Variants in ANAPC10 observed in about 807,000 individuals in gnomAD.
ANAPC10 encodes anaphase promoting complex subunit 10.
A neutral mutation model predicts 22.0 loss-of-function variants in ANAPC10; 12 were observed. That is an observed-to-expected ratio of 0.55 (90% CI 0.35 to 0.88). The LOEUF (loss-of-function observed/expected upper bound fraction) is 0.88, where lower values mean the gene tolerates loss of function less well. Ranked by LOEUF, ANAPC10 falls within the 40% of genes least tolerant of loss-of-function variation. The pLI is 0.01. For missense variants in ANAPC10, 188 were observed against 220.9 expected, an observed-to-expected ratio of 0.85 and a Z score of 0.94; for synonymous variants, 65 against 69.5, an observed-to-expected ratio of 0.94 and a Z score of 0.32.
At chr4:145,084,819 A>G (rs1196669181) in intron 2 of ANAPC10, among the ~76,000 whole-genome samples, 2 of 152,232 alleles carry the variant, frequency 1.3e-5, no homozygotes, top group Non-Finnish European at 2.9e-5. Flanking sequence ...GAAGATTAGG[A>G]CAAAATGTAA....
intron 4 of ANAPC10, among the ~76,000 whole-genome samples, chr4:145,057,046 A>C (rs1231575230): frequency 6.6e-6 from 1 of 152,194 alleles, no homozygotes; most frequent in African/African-American, 2.4e-5. Flanking sequence ...ATGCTCTTGA[A>C]AGAAAATTCA....
In ANAPC10 at chr4:145,012,176, G is replaced by GTATATGTGTGTGTGTATATA. The variant is rs1734436541; in HGVS notation, c.328-16574_328-16573insTATATACACACACACATATA. Among the ~76,000 whole-genome samples, 5 of 140,632 alleles carry GTATATGTGTGTGTGTATATA rather than the reference G, an allele frequency of 3.6e-5. No homozygotes were observed. In the East Asian group the frequency reaches 1.0e-3, roughly 29 times the overall value. 92.3% of individuals were successfully genotyped at this position (140,632 alleles called of 152,430 possible). A position where few individuals can be genotyped will look rare whatever the true frequency, so the allele number is the denominator to read the frequency against. The stretch of plus-strand genomic sequence containing the variant: ...AAGCTATATGTATATGTGTGTGTGT[G>GTATATGTGTGTGTGTATATA]TATATATATATATATATATACACAC... On this transcript the variant is annotated intron_variant, in intron 4 of 4. Coordinates refer to ENST00000507656, the MANE Select transcript of ANAPC10 (RefSeq NM_001256706.2).
At chr4:145,091,002 T>C (rs1747595228) in intron 2 of ANAPC10, among the ~76,000 whole-genome samples, 1 of 152,228 alleles carries the variant, frequency 6.6e-6, no homozygotes, top group Non-Finnish European at 1.5e-5. Context: ...CAGTTTCCTG[T>C]TTATAAAGAG....
chr4:145,084,158 T>C (rs1017386248), intron 2 of ANAPC10, among the ~76,000 whole-genome samples: 1 of 152,206 alleles, frequency 6.6e-6, no homozygotes, highest in Non-Finnish European at 1.5e-5. Context: ...ATTAACACTA[T>C]GTCTGTTCCA....
chr4:145,095,908 T>C (rs1440902184), intron 2 of ANAPC10, 77 bp downstream of exon 2: 2 of 1,595,600 alleles, frequency 1.3e-6, no homozygotes, highest in Non-Finnish European at 1.7e-6. Flanking sequence ...ATGTATCCCC[T>C]GGGATAAGGG....
At chr4:145,003,587 T>C (rs1438772755) in intron 4 of ANAPC10, among the ~76,000 whole-genome samples, 1 of 152,212 alleles carries the variant, frequency 6.6e-6, no homozygotes, top group South Asian at 2.1e-4. Flanking sequence ...ACACCATTTA[T>C]TGAATAGGAA....
At chr4:145,065,471 C>T (rs569975074) in intron 3 of ANAPC10, among the ~76,000 whole-genome samples, 2 of 152,110 alleles carry the variant, frequency 1.3e-5, no homozygotes, top group South Asian at 2.1e-4. Context: ...TTAGTAGAAA[C>T]ACAACCTTTG....
At position 145,031,867 on chromosome 4, in the gene ANAPC10, A is replaced by G. The variant is rs180915294; in HGVS notation, c.327+32705T>C. Among the ~76,000 whole-genome samples the G allele has an allele frequency of 3.4e-3, 515 of 152,332 alleles. 1 individual carries two copies. Among genetic ancestry groups the G allele is most frequent in the Admixed American group, 3.4e-3 (52 of 15,304 alleles). ...CTGAATGTTTGACTATGGGTCATCA[A>G]GTCACCATGCAACCTGAACTGACTA... On this transcript the variant is annotated intron_variant, in intron 4 of 4. Transcript: ENST00000507656.
At chr4:144,995,645 A>C in intron 4 of ANAPC10, 42 bp from the exon 5 acceptor site, 5 of 1,350,650 alleles carry the variant, frequency 3.7e-6, no homozygotes, top group Non-Finnish European at 5.2e-6. Flanking sequence ...TTATTCAACA[A>C]ATATAATTTA....
chr4:145,044,993 A>G (rs934557357), intron 4 of ANAPC10, among the ~76,000 whole-genome samples: 1 of 152,006 alleles, frequency 6.6e-6, no homozygotes, highest in African/African-American at 2.4e-5. Flanking sequence ...TTAAAACAAT[A>G]ATCAGCTATT....
At position 145,077,186 on chromosome 4, in the gene ANAPC10, A is replaced by G. The variant is rs184078735; in HGVS notation, c.206+4474T>C. ...TGCACTCCAGCCTGGGCGACAGAGC[A>G]AGACTCTGTCTCAAAAAAAATAAAT... On this transcript the variant is annotated intron_variant, in intron 3 of 4. Coordinates refer to ENST00000507656, the MANE Select transcript of ANAPC10 (RefSeq NM_001256706.2). Among the ~76,000 whole-genome samples the G allele has an allele frequency of 4.4e-3, 668 of 152,256 alleles. 3 individuals are homozygous for G. Among genetic ancestry groups the G allele is most frequent in the African/African-American group, 0.015 (614 of 41,552 alleles).
intron 4 of ANAPC10, among the ~76,000 whole-genome samples, chr4:145,035,935 G>A (rs779738023): frequency 1.3e-5 from 2 of 152,166 alleles, no homozygotes; most frequent in African/African-American, 2.4e-5. Flanking sequence ...GGAAGTCCAG[G>A]AGGGATGTTA....
At position 145,005,019 on chromosome 4, in the gene ANAPC10, C is replaced by A. The variant is rs906110797; in HGVS notation, c.328-9416G>T. Among the ~76,000 whole-genome samples the A allele has an allele frequency of 5.9e-5, 9 of 152,242 alleles. No individual in the cohort carries two copies. The East Asian group carries it at 1.7e-3, about 29-fold the overall frequency. On this transcript the variant is annotated intron_variant, in intron 4 of 4. Coordinates refer to ENST00000507656, the MANE Select transcript of ANAPC10 (RefSeq NM_001256706.2). ...TTATTACTGATTCAGTTTCAGAAAT[C>A]ATTATTGATCTGTTTAGGGATTCAA...
At chr4:145,085,162 C>T (rs965766739) in intron 2 of ANAPC10, among the ~76,000 whole-genome samples, 6 of 152,106 alleles carry the variant, frequency 3.9e-5, no homozygotes, top group African/African-American at 1.4e-4. Context: ...GTGGCTGAGG[C>T]AGGGGGATCA....
At chr4:145,061,558 C>G (rs1742893603) in intron 4 of ANAPC10, among the ~76,000 whole-genome samples, 1 of 151,880 alleles carries the variant, frequency 6.6e-6, no homozygotes. Flanking sequence ...AAATATATAC[C>G]ACGTATATCA....
In ANAPC10 at chr4:145,086,422, T is replaced by A. The variant is rs1205429043; in HGVS notation, c.116-4672A>T. ...CCAATGCAGTTATTATATGATGTAC[T>A]GGTTCTCTAATGCAGTGGTTCGTAC... On this transcript the variant is annotated intron_variant, in intron 2 of 4. Transcript: ENST00000507656. Among the ~76,000 whole-genome samples the A allele has an allele frequency of 3.3e-5, 5 of 152,232 alleles. No individual in the cohort carries two copies. The East Asian group carries it at 9.6e-4, about 29-fold the overall frequency.
chr4:145,068,137 C>A (rs185690596), intron 3 of ANAPC10, among the ~76,000 whole-genome samples: 187 of 152,352 alleles, frequency 1.2e-3, no homozygotes, highest in Non-Finnish European at 2.3e-3. Flanking sequence ...GACTGCCAGG[C>A]TCCTCTTACA....
intron 2 of ANAPC10, among the ~76,000 whole-genome samples, chr4:145,085,878 T>C (rs1746818137): frequency 6.6e-6 from 1 of 151,830 alleles, no homozygotes; most frequent in South Asian, 2.1e-4. Flanking sequence ...TTTTTTTTTT[T>C]TTTAAGATGG....
rs191100199 is a variant in ANAPC10, at chr4:145,086,927, T to C, written c.116-5177A>G. Among the ~76,000 whole-genome samples the C allele has an allele frequency of 9.3e-3, 1,419 of 152,030 alleles. 9 individuals are homozygous for C. The highest frequency in any genetic ancestry group is 0.027 in the Middle Eastern group (8 of 294). On this transcript the variant is annotated intron_variant, in intron 2 of 4. Coordinates refer to ENST00000507656, the MANE Select transcript of ANAPC10 (RefSeq NM_001256706.2). ...TTATTGTTTGGTAAATATTCATGCT[T>C]CTCTCCCCACTCTCCATGGGAGGGA...
Sources: gnomAD v4.1 joint callset for allele counts (sites outside exome capture counted in the v4.1 genomes callset) on GRCh38, gnomAD v4.1.1 for gene constraint, MANE v1.5 for transcripts, NCBI Gene and HGNC (gene_info 2026-07-23, HGNC 2026-07-21) for gene names.